The following DTD1 variants were observed in gnomAD, a reference collection of about 807,000 sequenced individuals.
The protein encoded by DTD1 is D-tyrosyl-tRNA deacylase 1 homolog.
In DTD1, 13 loss-of-function variants were observed where a neutral mutation model predicts 25.6. That is an observed-to-expected ratio of 0.51 (90% CI 0.33 to 0.81). The LOEUF (loss-of-function observed/expected upper bound fraction) is 0.81. DTD1 is among the 30% of genes least tolerant of loss of function. DTD1 has a pLI of 0.02. For missense variants in DTD1, 193 were observed against 266.4 expected (o/e 0.72, Z 1.92); for synonymous variants, 110 against 103.6 (o/e 1.06, Z -0.37).
chr20:18,734,922 G>T (rs1001208443), intron 4 of DTD1, among the ~76,000 whole-genome samples: 3 of 152,178 alleles, frequency 2.0e-5, no homozygotes, highest in African/African-American at 7.2e-5. Flanking sequence ...ACTTCTGCGG[G>T]GTCTGGCTGG....
chr20:18,761,340 T>C (rs2061362138), intron 5 of DTD1, among the ~76,000 whole-genome samples: 1 of 152,096 alleles, frequency 6.6e-6, no homozygotes, highest in South Asian at 2.1e-4. Context: ...AGACTGGAGC[T>C]GTTCCTATTT....
intron 5 of DTD1, among the ~76,000 whole-genome samples, chr20:18,748,586 G>A (rs1192825223): frequency 1.3e-5 from 2 of 152,132 alleles, no homozygotes; most frequent in African/African-American, 4.8e-5. Flanking sequence ...GGCAGACAAG[G>A]GGACAGTTAC....
At position 18,643,814 on chromosome 20, in the gene DTD1, G is replaced by A. The variant is rs545253639; in HGVS notation, c.477+15581G>A. Among the ~76,000 whole-genome samples the A allele has an allele frequency of 2.0e-5, 3 of 152,182 alleles. No homozygotes were observed. The South Asian group carries it at 6.2e-4, about 32-fold the overall frequency. On this transcript the variant is annotated intron_variant, in intron 4 of 5. Transcript: ENST00000377452. ...TATTTTGAAGCATGTCCCTTAATTT[G>A]GGTTTGTCTGATGTTTCCTTAAGAT...
chr20:18,671,572 A>G (rs1018161727), intron 4 of DTD1, among the ~76,000 whole-genome samples: 3 of 152,358 alleles, frequency 2.0e-5, no homozygotes, highest in Admixed American at 6.5e-5. Context: ...TAAAAACAGC[A>G]CTAGCATGGT....
intron 4 of DTD1, among the ~76,000 whole-genome samples, chr20:18,714,471 C>A (rs2061172100): frequency 6.6e-6 from 1 of 152,186 alleles, no homozygotes; most frequent in African/African-American, 2.4e-5. Context: ...AGTTTTAGGA[C>A]TTTTCATTGA....
In DTD1 at chr20:18,746,926, T is replaced by C. The variant is rs1311740326; in HGVS notation, c.*19+2655T>C. ...GTTGTGCAGGGAGACAACAGCACTGTGGTGACCAGCCTTGGCTTATGTATC... is the reference window on the plus strand; with the variant it reads ...GTTGTGCAGGGAGACAACAGCACTGCGGTGACCAGCCTTGGCTTATGTATC... On this transcript the variant is annotated intron_variant, in intron 5 of 5. Coordinates refer to ENST00000377452, the MANE Select transcript of DTD1 (RefSeq NM_080820.6). Among the ~76,000 whole-genome samples, 5 of 152,144 alleles carry C rather than the reference T, an allele frequency of 3.3e-5. No individual in the cohort carries two copies. The East Asian group carries it at 9.6e-4, about 29-fold the overall frequency.
In DTD1 at chr20:18,632,719, G is replaced by T. The variant is rs1022590383; in HGVS notation, c.477+4486G>T. The T allele has an allele frequency of 8.8e-5, 82 of 928,690 alleles. 1 individual carries two copies. The highest frequency in any genetic ancestry group is 2.0e-4 in the African/African-American group (11 of 56,126). The allele number at this position is 928,690 out of a possible 1,614,324, so 57.5% of individuals were successfully genotyped here. On this transcript the variant is annotated intron_variant, in intron 4 of 5. Transcript: ENST00000377452. The stretch of plus-strand genomic sequence containing the variant: ...TATAGAAAAATGATTCTTTTAGCAG[G>T]TTCTTTTAAAATATAAATAAGTTCT...
intron 3 of DTD1, among the ~76,000 whole-genome samples, chr20:18,600,329 C>T (rs1451785539): frequency 6.6e-6 from 1 of 152,038 alleles, no homozygotes; most frequent in Non-Finnish European, 1.5e-5. Context: ...TGTGGATATC[C>T]AGTTATTCCA....
rs1600229581 is a variant in DTD1, at chr20:18,764,828, G to C, written c.*1488G>C. On this transcript the variant is annotated 3_prime_UTR_variant, in exon 6 of 6. Transcript: ENST00000377452. ...CTCTGCTGTTTGAGTTATCTAAGCA[G>C]GGTTTTACAGAGTGAATTCAAATTC... 6.6e-6 allele frequency: 1 copy of C among 152,214 alleles called. No homozygotes were observed. The highest frequency in any genetic ancestry group is 1.5e-5 in the Non-Finnish European group (1 of 68,028). 9.4% of individuals were successfully genotyped at this position (152,214 alleles called of 1,614,324 possible). A position where few individuals can be genotyped will look rare whatever the true frequency, so the allele number is the denominator to read the frequency against.
chr20:18,724,109 C>G (rs74329973), intron 4 of DTD1, among the ~76,000 whole-genome samples: 1,838 of 152,340 alleles, frequency 0.012, 25 homozygotes, highest in African/African-American at 0.036. Context: ...AACTTCCTCT[C>G]ACGTTCATTG....
chr20:18,643,913 A>G (rs1321657485), intron 4 of DTD1, among the ~76,000 whole-genome samples: 1 of 152,100 alleles, frequency 6.6e-6, no homozygotes, highest in East Asian at 1.9e-4. Flanking sequence ...CTTGAAAGAA[A>G]TGGTCCTATA....
intron 5 of DTD1, among the ~76,000 whole-genome samples, chr20:18,753,962 C>T (rs1161355981): frequency 6.6e-6 from 1 of 152,046 alleles, no homozygotes; most frequent in African/African-American, 2.4e-5. Context: ...TGATAACTTC[C>T]CAGCATCTCT....
At position 18,731,786 on chromosome 20, in the gene DTD1, A is replaced by G. The variant is rs118014594; in HGVS notation, c.478-12314A>G. 6.9e-4 allele frequency among the ~76,000 whole-genome samples: 105 copies of G among 152,336 alleles called. 3 individuals carry two copies. In the East Asian group the frequency reaches 0.017, roughly 24 times the overall value. ...CTGGACTCTGTAACTGTTATGCACCACAAAGCTGTGTTATATCCTATAATC... is the reference window on the plus strand; with the variant it reads ...CTGGACTCTGTAACTGTTATGCACCGCAAAGCTGTGTTATATCCTATAATC... On this transcript the variant is annotated intron_variant, in intron 4 of 5. Coordinates refer to ENST00000377452, the MANE Select transcript of DTD1 (RefSeq NM_080820.6).
chr20:18,759,916 T>G (rs2061354702), intron 5 of DTD1, among the ~76,000 whole-genome samples: 1 of 152,226 alleles, frequency 6.6e-6, no homozygotes, highest in African/African-American at 2.4e-5. Flanking sequence ...CCATATTTCT[T>G]GGAGGTTTTG....
intron 4 of DTD1, among the ~76,000 whole-genome samples, chr20:18,676,463 G>C (rs1289031832): frequency 2.6e-5 from 4 of 152,146 alleles, no homozygotes; most frequent in Non-Finnish European, 4.4e-5. Context: ...GGAGTAGCAT[G>C]TGCAGATTGA....
intron 4 of DTD1, chr20:18,643,208 C>G: frequency 3.7e-6 from 1 of 266,902 alleles, no homozygotes; most frequent in South Asian, 3.8e-5. Context: ...AGCCACTATG[C>G]CCAGCCTGGA....
intron 3 of DTD1, among the ~76,000 whole-genome samples, chr20:18,612,183 C>G (rs538554553): frequency 6.6e-6 from 1 of 151,244 alleles, no homozygotes; most frequent in Non-Finnish European, 1.5e-5. Context: ...TACAGGTGCC[C>G]GCCACTACGC....
chr20:18,594,252 C>T (rs1225145839), intron 2 of DTD1, among the ~76,000 whole-genome samples: 1 of 152,158 alleles, frequency 6.6e-6, no homozygotes, highest in Admixed American at 6.5e-5. Flanking sequence ...CATGCACACA[C>T]ACTTAGCAAA....
intron 4 of DTD1, among the ~76,000 whole-genome samples, chr20:18,684,532 C>T (rs1473274303): frequency 6.6e-6 from 1 of 152,102 alleles, no homozygotes; most frequent in African/African-American, 2.4e-5. Flanking sequence ...AGTTTTCCAC[C>T]AGCGTAGGCC....
Sources: gnomAD v4.1 joint callset for allele counts (sites outside exome capture counted in the v4.1 genomes callset) on GRCh38, gnomAD v4.1.1 for gene constraint, MANE v1.5 for transcripts, NCBI Gene and HGNC (gene_info 2026-07-23, HGNC 2026-07-21) for gene names.